DLG2: variants seen among roughly 807,000 people sequenced by gnomAD.
The protein encoded by DLG2 is disks large homolog 2.
In DLG2, 45 loss-of-function variants were observed where a neutral mutation model predicts 132.5. The observed-to-expected ratio is 0.34, with a 90% CI of 0.27 to 0.44. The LOEUF (loss-of-function observed/expected upper bound fraction) is 0.44. Among genes scored for constraint, DLG2 ranks in the 20% least tolerant of loss-of-function variants. The pLI, the probability that DLG2 is intolerant of heterozygous loss-of-function variation, is 1.00. For synonymous variants in DLG2, 424 were observed against 419.6 expected, an observed-to-expected ratio of 1.01 and a Z score of -0.13; for missense variants, 1,045 against 1,196.9, an observed-to-expected ratio of 0.87 and a Z score of 1.87.
chr11:84,545,087 T>G, intron 6 of DLG2: 1 of 454,248 alleles, frequency 2.2e-6, no homozygotes, highest in Non-Finnish European at 4.4e-6. Context: ...GTAGCTTCCC[T>G]GTCACTTCTC....
chr11:85,072,716 A>G (rs1474214276), intron 6 of DLG2, among the ~76,000 whole-genome samples: 2 of 151,862 alleles, frequency 1.3e-5, no homozygotes, highest in African/African-American at 4.8e-5. Flanking sequence ...ACCCAAGTCT[A>G]TGGGATTCCA....
chr11:84,436,649 C>G (rs2099001688), intron 7 of DLG2, among the ~76,000 whole-genome samples: 1 of 152,164 alleles, frequency 6.6e-6, no homozygotes, highest in East Asian at 1.9e-4. Flanking sequence ...TGTAAGCTAT[C>G]ATCTTCTGTT....
chr11:84,107,013 T>TGTGTGAGAGAGA (rs1555348732), intron 9 of DLG2, among the ~76,000 whole-genome samples: 36 of 126,198 alleles, frequency 2.9e-4, no homozygotes, highest in African/African-American at 9.8e-4. Context: ...TGTGTGTGTG[T>TGTGTGAGAGAGA]GAGAGAGTTT....
chr11:85,181,787 C>A (rs981140010), intron 4 of DLG2, among the ~76,000 whole-genome samples: 1 of 151,336 alleles, frequency 6.6e-6, no homozygotes, highest in Non-Finnish European at 1.5e-5. Context: ...TTCTAAATAT[C>A]TTCTCTATTA....
At chr11:85,473,359 G>C (rs1329712446) in intron 3 of DLG2, among the ~76,000 whole-genome samples, 2 of 152,110 alleles carry the variant, frequency 1.3e-5, no homozygotes, top group Non-Finnish European at 2.9e-5. Flanking sequence ...AATCAGTTCT[G>C]GACTTTTGCC....
At chr11:85,404,747 T>C (rs1206845738) in intron 3 of DLG2, among the ~76,000 whole-genome samples, 1 of 152,022 alleles carries the variant, frequency 6.6e-6, no homozygotes, top group African/African-American at 2.4e-5. Flanking sequence ...GTATTTATAG[T>C]CTCTATCAAG....
chr11:84,195,706 G>C (rs577996357), intron 8 of DLG2, among the ~76,000 whole-genome samples: 1 of 152,232 alleles, frequency 6.6e-6, no homozygotes, highest in Admixed American at 6.5e-5. Context: ...ACATGTTTGC[G>C]CATATGTCAC....
intron 8 of DLG2, among the ~76,000 whole-genome samples, chr11:84,230,189 A>T (rs1013846605): frequency 6.6e-6 from 1 of 152,200 alleles, no homozygotes; most frequent in Non-Finnish European, 1.5e-5. Context: ...TACCTTTTTC[A>T]TTAAGAAAGA....
chr11:83,690,310 G>A lies in DLG2; in HGVS notation c.1826-56985C>T, dbSNP rs1378004364. 1.3e-4 allele frequency among the ~76,000 whole-genome samples: 19 copies of A among 151,412 alleles called. 1 individual carries two copies. The highest frequency in any genetic ancestry group is 5.9e-5 in the Non-Finnish European group (4 of 67,866). ...AGCACTAAAGAAATATCTAGGAATT[G>A]AAGAAGCAACACTGGGACAATAGAA... On this transcript the variant is annotated intron_variant, in intron 18 of 27. Coordinates refer to ENST00000376104, the MANE Select transcript of DLG2 (RefSeq NM_001142699.3).
chr11:84,406,952 G>A (rs2098854736), intron 7 of DLG2, among the ~76,000 whole-genome samples: 4 of 152,164 alleles, frequency 2.6e-5, no homozygotes, highest in Admixed American at 2.6e-4. Flanking sequence ...GCAGCTCACA[G>A]ATAGGAGAAA....
intron 7 of DLG2, among the ~76,000 whole-genome samples, chr11:84,382,463 G>A (rs1458749383): frequency 1.3e-5 from 2 of 152,100 alleles, no homozygotes; most frequent in Non-Finnish European, 2.9e-5. Context: ...TTGGACTGAA[G>A]TAGAAAACAA....
At chr11:85,503,548 T>TG (rs746413050) in intron 3 of DLG2, among the ~76,000 whole-genome samples, 6 of 152,050 alleles carry the variant, frequency 3.9e-5, no homozygotes, top group Non-Finnish European at 7.4e-5. Flanking sequence ...AAAAGGTGAT[T>TG]GGATAATGAA....
At chr11:85,494,970 G>T (rs529507808) in intron 3 of DLG2, among the ~76,000 whole-genome samples, 2 of 151,870 alleles carry the variant, frequency 1.3e-5, no homozygotes, top group Admixed American at 1.3e-4. Flanking sequence ...CTCATTCATG[G>T]ATTTTATAAC....
At chr11:84,585,639 G>T (rs2099527849) in intron 6 of DLG2, among the ~76,000 whole-genome samples, 2 of 152,184 alleles carry the variant, frequency 1.3e-5, no homozygotes, top group South Asian at 4.1e-4. Flanking sequence ...CATGACCATA[G>T]CAGGCCATTG....
intron 18 of DLG2, among the ~76,000 whole-genome samples, chr11:83,751,416 T>C (rs1482438017): frequency 6.6e-6 from 1 of 152,112 alleles, no homozygotes; most frequent in Non-Finnish European, 1.5e-5. Flanking sequence ...TAGGAGAAGT[T>C]TAGAGTAGAA....
intron 3 of DLG2, among the ~76,000 whole-genome samples, chr11:85,498,394 T>C (rs149530882): frequency 0.036 from 5,409 of 152,250 alleles, 144 homozygotes; most frequent in Admixed American, 0.053. Context: ...CCTAAATATA[T>C]ATGCACCCAA....
intron 12 of DLG2, among the ~76,000 whole-genome samples, chr11:83,980,084 G>A (rs2092647911): frequency 6.6e-6 from 1 of 152,076 alleles, no homozygotes; most frequent in Non-Finnish European, 1.5e-5. Flanking sequence ...AAAATCATAT[G>A]TTGAAGCCCT....
intron 7 of DLG2, among the ~76,000 whole-genome samples, chr11:84,364,448 A>G (rs928302920): frequency 2.0e-5 from 3 of 152,278 alleles, no homozygotes; most frequent in Admixed American, 6.5e-5. Context: ...CAATCATGTC[A>G]TCTGCAAACA....
intron 11 of DLG2, among the ~76,000 whole-genome samples, chr11:84,041,764 T>C (rs1016035108): frequency 6.6e-6 from 1 of 151,980 alleles, no homozygotes; most frequent in African/African-American, 2.4e-5. Flanking sequence ...GTTGATATGG[T>C]TTGGCTATGT....
Sources: allele counts gnomAD v4.1 joint callset (sites outside exome capture counted in the v4.1 genomes callset), GRCh38; gene constraint gnomAD v4.1.1; transcripts MANE v1.5; gene names NCBI Gene and HGNC (gene_info 2026-07-23, HGNC 2026-07-21).